MAP2K3: variants seen among roughly 807,000 people sequenced by gnomAD.
MAP2K3 encodes mitogen-activated protein kinase kinase 3.
Under a neutral mutation model 46.4 loss-of-function variants are expected in MAP2K3, and 30 were observed. That is an observed-to-expected ratio of 0.65 (90% CI 0.48 to 0.88). The LOEUF (loss-of-function observed/expected upper bound fraction) is 0.88. MAP2K3 is among the 40% of genes least tolerant of loss of function. MAP2K3 has a pLI of 0.00. For synonymous variants in MAP2K3, 189 were observed against 176.3 expected (o/e 1.07, Z -0.57); for missense variants, 380 against 464.5 (o/e 0.82, Z 1.67).
chr17:21,300,530 T>C lies in MAP2K3; in HGVS notation c.166-15T>C. Reference sequence around the variant, plus strand: ...CCAGCTTGCTGGCCACTGACTCTCTTTTCCATCCTTCAAGAACTTTGAGGT... The same window carrying C: ...CCAGCTTGCTGGCCACTGACTCTCTCTTCCATCCTTCAAGAACTTTGAGGT... On this transcript the variant is annotated splice_polypyrimidine_tract_variant and intron_variant, in intron 3 of 11. Coordinates refer to ENST00000342679, the MANE Select transcript of MAP2K3 (RefSeq NM_145109.3). 4 of 1,598,770 alleles carry C rather than the reference T, an allele frequency of 2.5e-6. No homozygotes were observed. Among genetic ancestry groups the C allele is most frequent in the Non-Finnish European group, 3.4e-6 (4 of 1,172,688 alleles).
At position 21,285,899 on chromosome 17, in the gene MAP2K3, A is replaced by T. The variant is rs550131530; in HGVS notation, c.49+930A>T. 6.1e-3 allele frequency among the ~76,000 whole-genome samples: 901 copies of T among 148,842 alleles called. 6 individuals are homozygous for T. The highest frequency in any genetic ancestry group is 1.0e-2 in the Non-Finnish European group (667 of 67,018). On this transcript the variant is annotated intron_variant, in intron 1 of 11. Coordinates refer to ENST00000342679, the MANE Select transcript of MAP2K3 (RefSeq NM_145109.3). ...ATGAAACTCGGAGGGCAAAAGGGGA[A>T]TTTTTTTTTTTTCAGGAAGAGGAAA...
At chr17:21,308,906 A>G (rs2144645148) in intron 9 of MAP2K3, among the ~76,000 whole-genome samples, 1 of 152,388 alleles carries the variant, frequency 6.6e-6, no homozygotes, top group South Asian at 2.1e-4. Context: ...GTGTGTGCTA[A>G]GTGTATATTT....
intron 1 of MAP2K3, among the ~76,000 whole-genome samples, chr17:21,293,681 C>G (rs1461109383): frequency 6.6e-6 from 1 of 152,260 alleles, no homozygotes; most frequent in African/African-American, 2.4e-5. Context: ...CACAGCCGGG[C>G]AGAGGCAGGG....
chr17:21,299,924 G>T (rs1158031754), intron 3 of MAP2K3, among the ~76,000 whole-genome samples: 1 of 152,310 alleles, frequency 6.6e-6, no homozygotes, highest in East Asian at 1.9e-4. Context: ...GGAGGTTGCA[G>T]TGAGCCAAGA....
chr17:21,304,171 C>T (rs1336022351), intron 7 of MAP2K3, among the ~76,000 whole-genome samples: 7 of 152,310 alleles, frequency 4.6e-5, no homozygotes, highest in Non-Finnish European at 8.8e-5. Context: ...GCCTTCCTTG[C>T]AGTGGCCGGG....
In MAP2K3 at chr17:21,303,197, G is replaced by A. The variant is rs773027297; in HGVS notation, c.531G>A (p.Leu177=). Residue 177 remains leucine (L), a synonymous_variant, in exon 7 of 12, where the codon CTG becomes CTA. Coordinates refer to ENST00000342679, the MANE Select transcript of MAP2K3 (RefSeq NM_145109.3). ...GEIAVSIVRA[L]EHLHSKLSVI... ...CCCACCGCCAGATCGTGCGGGCCCT[G>A]GAGCATCTGCACAGCAAGCTGTCGG... is the stretch of plus-strand genomic sequence containing the variant. 1 of 1,614,228 alleles carries A rather than the reference G, an allele frequency of 6.2e-7. No homozygotes were observed. Among genetic ancestry groups the A allele is most frequent in the Non-Finnish European group, 8.5e-7 (1 of 1,180,050 alleles).
chr17:21,301,553 T>C (rs1976601344), intron 5 of MAP2K3, among the ~76,000 whole-genome samples: 1 of 152,178 alleles, frequency 6.6e-6, no homozygotes, highest in Admixed American at 6.5e-5. Flanking sequence ...GGTCAGGGCA[T>C]CTGAGTCCAG....
intron 9 of MAP2K3, among the ~76,000 whole-genome samples, chr17:21,310,128 A>G (rs1212779360): frequency 6.6e-6 from 1 of 151,196 alleles, no homozygotes; most frequent in Non-Finnish European, 1.5e-5. Context: ...GCCTCACTCA[A>G]TCTCCCAAGT....
At chr17:21,303,716 C>T (rs1033313494) in intron 7 of MAP2K3, among the ~76,000 whole-genome samples, 6 of 152,426 alleles carry the variant, frequency 3.9e-5, no homozygotes, top group African/African-American at 1.2e-4. Flanking sequence ...TCTGGACCCA[C>T]CTGGGTCTGG....
chr17:21,298,583 G>A (rs937397243), intron 2 of MAP2K3, 104 bp downstream of exon 2: 19 of 1,571,700 alleles, frequency 1.2e-5, no homozygotes, highest in East Asian at 4.5e-5. Flanking sequence ...GCTTTACCTC[G>A]TCCTGTCCTG....
chr17:21,296,193 C>A, intron 1 of MAP2K3: 1 of 1,289,340 alleles, frequency 7.8e-7, no homozygotes, highest in African/African-American at 1.5e-5. Flanking sequence ...CTTCGTCCTG[C>A]AGCACTGTGC....
chr17:21,306,463 G>T (rs62057736), intron 9 of MAP2K3, among the ~76,000 whole-genome samples: 1 of 152,280 alleles, frequency 6.6e-6, no homozygotes. Flanking sequence ...CTGTGCTTGC[G>T]AACCTACAGG....
chr17:21,295,178 T>G (rs1172884646), intron 1 of MAP2K3, among the ~76,000 whole-genome samples: 5 of 152,308 alleles, frequency 3.3e-5, no homozygotes, highest in African/African-American at 1.2e-4. Context: ...AGGTGTCTCA[T>G]TCAGAGAAGG....
At chr17:21,285,232 C>T in intron 1 of MAP2K3, 4 of 985,168 alleles carry the variant, frequency 4.1e-6, no homozygotes, top group Non-Finnish European at 4.8e-6. Flanking sequence ...CTGCTCACCC[C>T]ATCCAAGTCA....
chr17:21,290,321 C>G (rs1410428231), intron 1 of MAP2K3, among the ~76,000 whole-genome samples: 4 of 152,204 alleles, frequency 2.6e-5, no homozygotes, highest in Non-Finnish European at 4.4e-5. Flanking sequence ...GGGATGGAGA[C>G]AGCTCCCATC....
At chr17:21,308,804 C>G (rs999907959) in intron 9 of MAP2K3, among the ~76,000 whole-genome samples, 6 of 152,214 alleles carry the variant, frequency 3.9e-5, no homozygotes, top group Admixed American at 3.3e-4. Context: ...CCTTCCCCAT[C>G]TCCCTGTCTC....
rs568850558 is a variant in MAP2K3, at chr17:21,300,888, C to T, written c.294C>T (p.Thr98=). The change falls in exon 5 of 12, where the codon ACC becomes ACT. Residue 98 remains threonine (T), a synonymous_variant. Transcript: ENST00000342679. ...TIMAVKRIRA[T]VNSQEQKRLL... Reference sequence around the variant, plus strand: ...CTTCCCTGCAGCGGATCCGGGCCACCGTGAACTCACAGGAGCAGAAGCGGC... The same window carrying T: ...CTTCCCTGCAGCGGATCCGGGCCACTGTGAACTCACAGGAGCAGAAGCGGC... 43 of 1,614,176 alleles carry T rather than the reference C, an allele frequency of 2.7e-5. No individual in the cohort carries two copies. Among genetic ancestry groups the T allele is most frequent in the Middle Eastern group, 1.6e-4 (1 of 6,062 alleles).
At chr17:21,286,475 T>C (rs1975726596) in intron 1 of MAP2K3, among the ~76,000 whole-genome samples, 1 of 152,236 alleles carries the variant, frequency 6.6e-6, no homozygotes, top group Non-Finnish European at 1.5e-5. Flanking sequence ...TGGATAATTA[T>C]GCCTTACATA....
At chr17:21,298,948 T>G in intron 3 of MAP2K3, 22 bp downstream of exon 3, 1 of 1,613,582 alleles carries the variant, frequency 6.2e-7, no homozygotes, top group Non-Finnish European at 8.5e-7. Context: ...CCGCCACCCC[T>G]GCAGGGCCTC....
Sources: gnomAD v4.1 joint callset for allele counts (sites outside exome capture counted in the v4.1 genomes callset) on GRCh38, gnomAD v4.1.1 for gene constraint, MANE v1.5 for transcripts, NCBI Gene and HGNC (gene_info 2026-07-23, HGNC 2026-07-21) for gene names.